Variants in RPS6KC1 observed in about 807,000 individuals in gnomAD.
RPS6KC1 encodes the protein ribosomal protein S6 kinase C1, also known as inactive ribosomal protein S6 kinase delta-1.
A neutral mutation model predicts 103.8 loss-of-function variants in RPS6KC1; 54 were observed. The ratio of observed to expected loss-of-function variants is 0.52; its 90% CI spans 0.42 to 0.65. The LOEUF (loss-of-function observed/expected upper bound fraction) is 0.65, where lower values mean the gene tolerates loss of function less well. Ranked by LOEUF, RPS6KC1 falls within the 30% of genes least tolerant of loss-of-function variation. The probability of loss-of-function intolerance (pLI) is 0.00; values close to 1 mark genes in which losing one functional copy is unlikely to be tolerated. For synonymous variants in RPS6KC1, 439 were observed against 438.7 expected, an observed-to-expected ratio of 1.00 and a Z score of -0.01; for missense variants, 1,151 against 1,253.8, an observed-to-expected ratio of 0.92 and a Z score of 1.24.
At chr1:213,069,462 T>A (rs2078669915) in intron 1 of RPS6KC1, among the ~76,000 whole-genome samples, 1 of 152,190 alleles carries the variant, frequency 6.6e-6, no homozygotes, top group South Asian at 2.1e-4. Flanking sequence ...ATTATCTCCG[T>A]TTTATCGATG....
At chr1:213,642,514 G>C in the RPS6KC1 span, among the ~76,000 whole-genome samples, 2 of 152,034 alleles carry the variant, frequency 1.3e-5, no homozygotes, top group South Asian at 4.2e-4. Context: ...TAAGAAGAAA[G>C]TGCCTATTTT....
chr1:213,613,082 C>G, the RPS6KC1 span, among the ~76,000 whole-genome samples: 1 of 152,204 alleles, frequency 6.6e-6, no homozygotes, highest in African/African-American at 2.4e-5. Context: ...TCCCTCTCCC[C>G]AACCATCCAA....
chr1:213,766,470 A>C, the RPS6KC1 span, among the ~76,000 whole-genome samples: 3 of 152,296 alleles, frequency 2.0e-5, no homozygotes, highest in African/African-American at 4.8e-5. Context: ...GAGGGAACAC[A>C]GGATTTTTCC....
chr1:213,814,050 T>C, the RPS6KC1 span, among the ~76,000 whole-genome samples: 3 of 152,348 alleles, frequency 2.0e-5, no homozygotes, highest in South Asian at 6.2e-4. Context: ...GATATCTTGC[T>C]CCTCAGTTTT....
At chr1:213,205,536 T>TTTTATATATATATA (rs1553378412) in intron 8 of RPS6KC1, 2 of 82,320 alleles carry the variant, frequency 2.4e-5, no homozygotes, top group African/African-American at 4.8e-5. Flanking sequence ...ACAAACTCAT[T>TTTTATATATATATA]TATATATATA....
chr1:213,608,925 T>TA, the RPS6KC1 span, among the ~76,000 whole-genome samples: 4 of 151,880 alleles, frequency 2.6e-5, no homozygotes, highest in African/African-American at 9.7e-5. Context: ...GTTTAGCATT[T>TA]AGGCTATTTT....
the RPS6KC1 span, among the ~76,000 whole-genome samples, chr1:213,375,956 T>C: frequency 8.5e-5 from 13 of 152,186 alleles, no homozygotes; most frequent in Non-Finnish European, 5.9e-5. Flanking sequence ...AAAGACTCCC[T>C]CAGTTCCAAT....
chr1:213,184,622 G>A (rs747649036), intron 8 of RPS6KC1, among the ~76,000 whole-genome samples: 1 of 151,806 alleles, frequency 6.6e-6, no homozygotes, highest in Non-Finnish European at 1.5e-5. Flanking sequence ...AAAAAATTGG[G>A]CATTTATTGC....
At chr1:213,325,780 A>G in the RPS6KC1 span, among the ~76,000 whole-genome samples, 1 of 152,226 alleles carries the variant, frequency 6.6e-6, no homozygotes, top group Non-Finnish European at 1.5e-5. Flanking sequence ...GGAGACAGGC[A>G]TGTTTGTGTC....
At chr1:213,096,271 G>T (rs189996567) in intron 3 of RPS6KC1, among the ~76,000 whole-genome samples, 1 of 152,182 alleles carries the variant, frequency 6.6e-6, no homozygotes, top group Non-Finnish European at 1.5e-5. Context: ...ATTCAGTCAC[G>T]TCTTCAGGCT....
the RPS6KC1 span, among the ~76,000 whole-genome samples, chr1:213,280,882 G>A: frequency 6.6e-6 from 1 of 152,160 alleles, no homozygotes; most frequent in African/African-American, 2.4e-5. Context: ...TCTCTATGCT[G>A]TGCCTGAACT....
At chr1:213,427,197 T>C in the RPS6KC1 span, among the ~76,000 whole-genome samples, 1 of 152,226 alleles carries the variant, frequency 6.6e-6, no homozygotes, top group Non-Finnish European at 1.5e-5. Flanking sequence ...GACTGATCTG[T>C]GATATTTTCC....
chr1:213,397,420 A>AT, the RPS6KC1 span, among the ~76,000 whole-genome samples: 92 of 151,666 alleles, frequency 6.1e-4, no homozygotes, highest in Non-Finnish European at 1.2e-3. Context: ...CCTAGTTAAA[A>AT]TTTTTTTTGC....
At chr1:213,633,240 A>G in the RPS6KC1 span, among the ~76,000 whole-genome samples, 6 of 152,134 alleles carry the variant, frequency 3.9e-5, no homozygotes, top group Non-Finnish European at 8.8e-5. Context: ...CAAAGACACA[A>G]AATTGTCAGA....
At position 213,272,822 on chromosome 1, in the gene RPS6KC1, G is replaced by T. The variant is rs1329982419; in HGVS notation, c.*188G>T. 6 of 507,934 alleles carry T rather than the reference G, an allele frequency of 1.2e-5. No individual in the cohort carries two copies. Among genetic ancestry groups the T allele is most frequent in the Non-Finnish European group, 2.2e-5 (6 of 277,324 alleles). The allele number at this position is 507,934 out of a possible 1,614,324, so 31.5% of individuals were successfully genotyped here. ...TACAATTACAAGATATTAGCTAATTGTGCCAGGGGCTGTTATATACATATA... is the reference window on the plus strand; with the variant it reads ...TACAATTACAAGATATTAGCTAATTTTGCCAGGGGCTGTTATATACATATA... On this transcript the variant is annotated 3_prime_UTR_variant, in exon 15 of 15. Transcript: ENST00000366960.
chr1:213,400,072 T>G, the RPS6KC1 span, among the ~76,000 whole-genome samples: 2 of 152,008 alleles, frequency 1.3e-5, no homozygotes, highest in Non-Finnish European at 2.9e-5. Flanking sequence ...AAAAAAGAGG[T>G]GGGCGGGGCT....
rs1329007807 is a variant in RPS6KC1 at position 213,087,505 on chromosome 1, T to C, written c.262+9689T>C. Among the ~76,000 whole-genome samples the C allele has an allele frequency of 2.6e-5, 4 of 152,256 alleles. No homozygotes were observed. The East Asian group carries it at 7.7e-4, about 29-fold the overall frequency. ...CTTTCTTCATTTCCTCCTTGGTTAATGGGTAGGATTCTTTCAGTATTTTTT... is the reference window on the plus strand; with the variant it reads ...CTTTCTTCATTTCCTCCTTGGTTAACGGGTAGGATTCTTTCAGTATTTTTT... On this transcript the variant is annotated intron_variant, in intron 3 of 14. Transcript: ENST00000366960.
At chr1:213,696,610 A>C in the RPS6KC1 span, among the ~76,000 whole-genome samples, 5 of 152,076 alleles carry the variant, frequency 3.3e-5, no homozygotes, top group African/African-American at 9.7e-5. Flanking sequence ...TGACTTATTT[A>C]AAACTTCTAA....
chr1:213,688,070 G>T, the RPS6KC1 span, among the ~76,000 whole-genome samples: 1 of 152,108 alleles, frequency 6.6e-6, no homozygotes, highest in Non-Finnish European at 1.5e-5. Flanking sequence ...CATTTAATTA[G>T]CTTCCCCCTT....
Sources: gnomAD v4.1 joint callset for allele counts (sites outside exome capture counted in the v4.1 genomes callset) on GRCh38, gnomAD v4.1.1 for gene constraint, MANE v1.5 for transcripts, NCBI Gene and HGNC (gene_info 2026-07-23, HGNC 2026-07-21) for gene names.